MNS1: variants seen among roughly 807,000 people sequenced by gnomAD.
MNS1 encodes meiosis specific nuclear structural 1.
MNS1 carries 63 observed loss-of-function variants against 72.0 expected under a neutral mutation model. The observed-to-expected ratio is 0.87, with a 90% CI of 0.71 to 1.08. The LOEUF is 1.08. Ranked by LOEUF, MNS1 falls within the 50% of genes least tolerant of loss-of-function variation. MNS1 has a pLI of 0.00. For missense variants in MNS1, 604 were observed against 562.4 expected (o/e 1.07, Z -0.75); for synonymous variants, 188 against 172.1 (o/e 1.09, Z -0.72).
At chr15:56,437,135 C>G (rs957239077) in intron 7 of MNS1, among the ~76,000 whole-genome samples, 2 of 150,880 alleles carry the variant, frequency 1.3e-5, no homozygotes, top group Admixed American at 6.6e-5. Context: ...CTTTGGTCGT[C>G]TGTCATCCTG....
chr15:56,458,081 T>C (rs2050992518), intron 2 of MNS1, among the ~76,000 whole-genome samples: 1 of 152,218 alleles, frequency 6.6e-6, no homozygotes, highest in African/African-American at 2.4e-5. Context: ...TGAATCTCCA[T>C]GAATTATGCT....
chr15:56,456,624 C>T, intron 2 of MNS1, 103 bp from the exon 3 acceptor site: 1 of 1,087,460 alleles, frequency 9.2e-7, no homozygotes, highest in Non-Finnish European at 1.3e-6. Flanking sequence ...TTAAGGCCAA[C>T]AATTGATGAT....
At chr15:56,446,717 TTACAAATATTTAAGAAATC>T (rs2050906912) in intron 4 of MNS1, 105 bp downstream of exon 4, 1 of 674,740 alleles carries the variant, frequency 1.5e-6, no homozygotes, top group East Asian at 2.9e-5. Context: ...ATCTGAAAAT[TTACAAATATTTAAGAAATC>T]TAGCAGTGTA....
chr15:56,437,275 GTGGGCTTCA>G (rs1228166695), intron 7 of MNS1, among the ~76,000 whole-genome samples: 1 of 152,172 alleles, frequency 6.6e-6, no homozygotes, highest in Admixed American at 6.5e-5. Flanking sequence ...CCATGATCAA[GTGGGCTTCA>G]TCCCTGGAAG....
chr15:56,460,009 A>AAAAAAAAAAAAAATATATATATAT lies in MNS1; in HGVS notation c.226-3489_226-3488insATATATATATATTTTTTTTTTTTT. ...CTGTCTCAAAAAAAAAAAAAAAAAA[A>AAAAAAAAAAAAAATATATATATAT]ATACATATATATATATATATATATA... On this transcript the variant is annotated intron_variant, in intron 2 of 9. Transcript: ENST00000260453. 3.4e-4 allele frequency among the ~76,000 whole-genome samples: 9 copies of AAAAAAAAAAAAAATATATATATAT among 26,386 alleles called. 1 individual carries two copies. The highest frequency in any genetic ancestry group is 1.1e-3 in the East Asian group (1 of 876). 17.3% of individuals were successfully genotyped at this position (26,386 alleles called of 152,430 possible). A position where few individuals can be genotyped will look rare whatever the true frequency, so the allele number is the denominator to read the frequency against.
Position 56,465,114 on chromosome 15 carries a change from C to T in MNS1, c.-142G>A. On this transcript the variant is annotated 5_prime_UTR_variant, in exon 1 of 10. Transcript: ENST00000260453. The stretch of plus-strand genomic sequence containing the variant: ...CGGCGTCTTGGCAACGGTGGAGCTG[C>T]GCGCCCTCCGCTCGACCAAAAGTGA... The T allele has an allele frequency of 4.5e-6, 5 of 1,102,916 alleles. No homozygotes were observed. The South Asian group carries it at 5.9e-5, about 13-fold the overall frequency. The allele number at this position is 1,102,916 out of a possible 1,614,324, so 68.3% of individuals were successfully genotyped here. A position where few individuals can be genotyped will look rare whatever the true frequency, so the allele number is the denominator to read the frequency against.
chr15:56,464,907 G>A, intron 1 of MNS1, 63 bp downstream of exon 1: 2 of 1,605,456 alleles, frequency 1.2e-6, no homozygotes, highest in South Asian at 1.1e-5. Context: ...AGAAGCAGAT[G>A]AGCGCCAAAC....
At chr15:56,460,458 A>G (rs1485085707) in intron 2 of MNS1, among the ~76,000 whole-genome samples, 1 of 152,178 alleles carries the variant, frequency 6.6e-6, no homozygotes, top group Non-Finnish European at 1.5e-5. Flanking sequence ...TCAAGTAGCA[A>G]AAACACATTA....
chr15:56,451,572 A>G (rs1331554470), intron 3 of MNS1, among the ~76,000 whole-genome samples: 1 of 152,132 alleles, frequency 6.6e-6, no homozygotes, highest in African/African-American at 2.4e-5. Context: ...TATCAGTCCA[A>G]TCCTGCAACT....
intron 2 of MNS1, among the ~76,000 whole-genome samples, chr15:56,460,357 G>A (rs2051012656): frequency 6.7e-6 from 1 of 149,996 alleles, no homozygotes; most frequent in Non-Finnish European, 1.5e-5. Context: ...AGAAGTTGTA[G>A]CAGCATGCTA....
chr15:56,446,392 TAGAAAAG>T (rs1156574459), intron 4 of MNS1, among the ~76,000 whole-genome samples: 7 of 152,030 alleles, frequency 4.6e-5, no homozygotes, highest in African/African-American at 1.7e-4. Flanking sequence ...TATCAGGAGT[TAGAAAAG>T]GGGATAAAAG....
At chr15:56,430,348 A>C (rs2050550978) in intron 9 of MNS1, among the ~76,000 whole-genome samples, 3 of 152,164 alleles carry the variant, frequency 2.0e-5, no homozygotes, top group African/African-American at 7.2e-5. Flanking sequence ...CTGGGACTAC[A>C]GGCGTGCATC....
At chr15:56,457,639 T>A (rs185516794) in intron 2 of MNS1, among the ~76,000 whole-genome samples, 4 of 151,908 alleles carry the variant, frequency 2.6e-5, no homozygotes, top group African/African-American at 9.7e-5. Context: ...CTGGGCAACA[T>A]AGAGAGGTGC....
intron 9 of MNS1, chr15:56,429,441 T>C (rs934849800): frequency 3.4e-5 from 12 of 352,978 alleles, no homozygotes; most frequent in Admixed American, 1.0e-4. Context: ...CATAGGAATC[T>C]GAGCTCTTCT....
chr15:56,460,007 A>ATATATATAT (rs1555449663), intron 2 of MNS1, among the ~76,000 whole-genome samples: 1 of 27,614 alleles, frequency 3.6e-5, no homozygotes, highest in Non-Finnish European at 7.1e-5. Context: ...AAAAAAAAAA[A>ATATATATAT]AAATACATAT....
intron 3 of MNS1, chr15:56,447,414 G>A (rs2050914176): frequency 1.3e-5 from 2 of 152,536 alleles, no homozygotes; most frequent in Admixed American, 1.3e-4. Context: ...ACATTACTGA[G>A]TCTTCAATAA....
At chr15:56,431,625 A>G (rs1596250519) in intron 8 of MNS1, 127 bp from the exon 9 acceptor site, 1 of 682,962 alleles carries the variant, frequency 1.5e-6, no homozygotes, top group South Asian at 2.6e-5. Context: ...AGTTCAAAAG[A>G]TTCTAGATAA....
chr15:56,443,278 C>T, intron 7 of MNS1, 152 bp downstream of exon 7: 1 of 497,536 alleles, frequency 2.0e-6, no homozygotes, highest in Non-Finnish European at 3.3e-6. Flanking sequence ...TTTTAGCCAG[C>T]TTGAAAATTT....
At chr15:56,438,552 C>T (rs1486656451) in intron 7 of MNS1, among the ~76,000 whole-genome samples, 1 of 152,068 alleles carries the variant, frequency 6.6e-6, no homozygotes, top group African/African-American at 2.4e-5. Context: ...TAGAAGAAAA[C>T]CTAGGCAATA....
Sources: gnomAD v4.1 joint callset for allele counts (sites outside exome capture counted in the v4.1 genomes callset) on GRCh38, gnomAD v4.1.1 for gene constraint, MANE v1.5 for transcripts, NCBI Gene and HGNC (gene_info 2026-07-23, HGNC 2026-07-21) for gene names.